ENTREP2: variants seen among roughly 807,000 people sequenced by gnomAD.
ENTREP2 encodes the protein protein ENTREP2.
the ENTREP2 span, among the ~76,000 whole-genome samples, chr15:29,404,478 C>T: frequency 6.6e-6 from 1 of 151,938 alleles, no homozygotes; most frequent in African/African-American, 2.4e-5. Context: ...CAGGAACCCC[C>T]TTCAGCACCC....
chr15:29,129,825 C>A, the ENTREP2 span, among the ~76,000 whole-genome samples: 4,178 of 152,236 alleles, frequency 0.027, 182 homozygotes, highest in African/African-American at 0.094. Context: ...GATGTGATGC[C>A]AGCTACACAC....
chr15:29,224,039 G>A, the ENTREP2 span, among the ~76,000 whole-genome samples: 4 of 152,188 alleles, frequency 2.6e-5, no homozygotes, highest in African/African-American at 7.2e-5. Flanking sequence ...GAACGAAGCC[G>A]TGGACCCTCA....
the ENTREP2 span, among the ~76,000 whole-genome samples, chr15:29,270,009 A>G: frequency 6.6e-6 from 1 of 152,166 alleles, no homozygotes; most frequent in Non-Finnish European, 1.5e-5. Flanking sequence ...AAACTCCTAA[A>G]CAAGTGTGTC....
chr15:29,614,722 G>C, the ENTREP2 span, among the ~76,000 whole-genome samples: 1 of 152,146 alleles, frequency 6.6e-6, no homozygotes, highest in Non-Finnish European at 1.5e-5. Flanking sequence ...CTATGTCCAC[G>C]TAGTAGCCAG....
At chr15:29,674,132 G>A in the ENTREP2 span, among the ~76,000 whole-genome samples, 1 of 145,598 alleles carries the variant, frequency 6.9e-6, no homozygotes, top group Admixed American at 6.7e-5. Context: ...AGAGGATGGG[G>A]GGGGGGGGGG....
chr15:29,541,470 G>A, the ENTREP2 span, among the ~76,000 whole-genome samples: 31 of 152,148 alleles, frequency 2.0e-4, no homozygotes, highest in Non-Finnish European at 3.7e-4. Flanking sequence ...AAGAGCAAGC[G>A]GGGAGGACAC....
the ENTREP2 span, chr15:29,136,279 G>T: frequency 1.5e-6 from 2 of 1,366,080 alleles, no homozygotes; most frequent in Non-Finnish European, 9.5e-7. Flanking sequence ...GACCTGGCGC[G>T]GTGTGAGGTG....
the ENTREP2 span, among the ~76,000 whole-genome samples, chr15:29,546,487 G>A: frequency 6.6e-6 from 1 of 152,162 alleles, no homozygotes. Context: ...GACTAGAGAA[G>A]AGGAGCCAGA....
At chr15:29,671,872 A>G in the ENTREP2 span, among the ~76,000 whole-genome samples, 1 of 152,144 alleles carries the variant, frequency 6.6e-6, no homozygotes, top group Non-Finnish European at 1.5e-5. Flanking sequence ...AGTGTCCCCC[A>G]AGGAGCCCCC....
chr15:29,462,618 A>C, the ENTREP2 span, among the ~76,000 whole-genome samples: 63 of 151,830 alleles, frequency 4.1e-4, 2 homozygotes, highest in Middle Eastern at 6.8e-3. Context: ...CTCAAAACTA[A>C]TAATAATAAT....
At chr15:29,124,638 C>A in the ENTREP2 span, 1 of 1,493,454 alleles carries the variant, frequency 6.7e-7, no homozygotes, top group Non-Finnish European at 9.1e-7. Context: ...ACACCCGCCC[C>A]ACCTCCCAGC....
At chr15:29,520,582 T>TA in the ENTREP2 span, among the ~76,000 whole-genome samples, 271 of 139,930 alleles carry the variant, frequency 1.9e-3, no homozygotes, top group African/African-American at 3.9e-3. Context: ...ATGTTTCCTA[T>TA]AAAAAAAAAA....
the ENTREP2 span, among the ~76,000 whole-genome samples, chr15:29,243,841 A>G: frequency 6.6e-6 from 1 of 152,238 alleles, no homozygotes; most frequent in Non-Finnish European, 1.5e-5. Flanking sequence ...AAATACGTTA[A>G]AAGTAGTCAA....
the ENTREP2 span, among the ~76,000 whole-genome samples, chr15:29,475,666 G>A: frequency 6.6e-6 from 1 of 152,180 alleles, no homozygotes; most frequent in Non-Finnish European, 1.5e-5. Flanking sequence ...ATGAGGAGGA[G>A]GAGGAAGGGT....
the ENTREP2 span, among the ~76,000 whole-genome samples, chr15:29,416,581 G>A: frequency 6.6e-6 from 1 of 152,110 alleles, no homozygotes; most frequent in Non-Finnish European, 1.5e-5. Flanking sequence ...CAGGACATAG[G>A]CATGGGCAAA....
At chr15:29,549,899 T>C in the ENTREP2 span, among the ~76,000 whole-genome samples, 53,103 of 152,070 alleles carry the variant, frequency 0.35, 9,390 homozygotes, top group East Asian at 0.41. Flanking sequence ...ACAGTGAGAT[T>C]CAATGATTCA....
the ENTREP2 span, among the ~76,000 whole-genome samples, chr15:29,578,154 TA>T: frequency 4.6e-4 from 70 of 151,996 alleles, no homozygotes; most frequent in African/African-American, 1.5e-3. Flanking sequence ...ATGGCTATAA[TA>T]AAAAAAATGA....
At chr15:29,459,073 C>G in the ENTREP2 span, among the ~76,000 whole-genome samples, 1 of 152,198 alleles carries the variant, frequency 6.6e-6, no homozygotes, top group Non-Finnish European at 1.5e-5. Flanking sequence ...AGGGATTGTT[C>G]TGCACCCACT....
chr15:29,267,984 A>T, the ENTREP2 span: 2 of 152,342 alleles, frequency 1.3e-5, no homozygotes, highest in African/African-American at 4.8e-5. Context: ...TTTGAGATCC[A>T]CAGTGAGAAA....
Sources: allele counts gnomAD v4.1 joint callset (sites outside exome capture counted in the v4.1 genomes callset), GRCh38; gene constraint gnomAD v4.1.1; transcripts MANE v1.5; gene names NCBI Gene and HGNC (gene_info 2026-07-23, HGNC 2026-07-21).